The following NELL1 variants were observed in gnomAD, a reference collection of about 807,000 sequenced individuals.
NELL1 encodes neural EGFL like 1, also known as protein kinase C-binding protein NELL1.
A neutral mutation model predicts 107.4 loss-of-function variants in NELL1; 76 were observed. The observed-to-expected ratio is 0.71, with a 90% CI of 0.59 to 0.86. The LOEUF (loss-of-function observed/expected upper bound fraction) is 0.86. Ranked by LOEUF, NELL1 falls within the 40% of genes least tolerant of loss-of-function variation. The probability of loss-of-function intolerance (pLI) is 0.00; values close to 1 mark genes in which losing one functional copy is unlikely to be tolerated. For synonymous variants in NELL1, 353 were observed against 341.2 expected (o/e 1.03, Z -0.38); for missense variants, 1,024 against 1,005.5 (o/e 1.02, Z -0.25).
chr11:20,921,427 C>A (rs1850373901), intron 7 of NELL1, among the ~76,000 whole-genome samples: 1 of 152,108 alleles, frequency 6.6e-6, no homozygotes, highest in African/African-American at 2.4e-5. Flanking sequence ...GGTCTGATAA[C>A]TTTTCCTAAG....
rs112178250 is a variant in NELL1 at position 21,564,972 on chromosome 11, C to T, written c.1980+4590C>T. ...AGGAAAGAATCTGATCCACAAGGAG[C>T]AGTCAGCATACTGGTTCTGCCTTCC... On this transcript the variant is annotated intron_variant, in intron 17 of 19. Transcript: ENST00000357134. Among the ~76,000 whole-genome samples the T allele has an allele frequency of 1.3e-3, 198 of 152,010 alleles. 4 individuals are homozygous for T. The highest frequency in any genetic ancestry group is 4.0e-3 in the African/African-American group (167 of 41,516).
intron 2 of NELL1, among the ~76,000 whole-genome samples, chr11:20,758,072 C>G (rs1205729140): frequency 6.6e-6 from 1 of 152,130 alleles, no homozygotes; most frequent in Non-Finnish European, 1.5e-5. Context: ...GGCACTTATT[C>G]CATCACGACG....
intron 14 of NELL1, among the ~76,000 whole-genome samples, chr11:21,297,910 A>T (rs1849406910): frequency 6.6e-6 from 1 of 151,948 alleles, no homozygotes; most frequent in Admixed American, 6.6e-5. Context: ...GAGGGAGTAG[A>T]GAAAGAGAAA....
chr11:20,695,197 A>G (rs1467374399), intron 2 of NELL1, among the ~76,000 whole-genome samples: 1 of 152,130 alleles, frequency 6.6e-6, no homozygotes, highest in Admixed American at 6.6e-5. Context: ...CTTTTGGCAT[A>G]GTCTTCAGGG....
chr11:20,983,503 C>G (rs1259473923), intron 12 of NELL1, among the ~76,000 whole-genome samples: 1 of 152,184 alleles, frequency 6.6e-6, no homozygotes, highest in Non-Finnish European at 1.5e-5. Context: ...AGTGTTTCCT[C>G]TATCTGTGAG....
chr11:20,708,673 TTGTC>T (rs1187115393), intron 2 of NELL1, among the ~76,000 whole-genome samples: 1 of 152,170 alleles, frequency 6.6e-6, no homozygotes, highest in Non-Finnish European at 1.5e-5. Context: ...ACTCTTTTGG[TTGTC>T]TGTTTACTCT....
chr11:21,151,034 C>G (rs1856103445), intron 13 of NELL1, among the ~76,000 whole-genome samples: 2 of 152,108 alleles, frequency 1.3e-5, no homozygotes, highest in African/African-American at 4.8e-5. Flanking sequence ...ATCATGAAAT[C>G]AGCAAGGGGA....
At chr11:20,792,035 T>A (rs1325661228) in intron 3 of NELL1, among the ~76,000 whole-genome samples, 1 of 152,102 alleles carries the variant, frequency 6.6e-6, no homozygotes, top group Non-Finnish European at 1.5e-5. Context: ...TGAGGACTTT[T>A]GTATCTATAT....
chr11:21,313,433 G>T (rs1432444997), intron 14 of NELL1, among the ~76,000 whole-genome samples: 1 of 152,100 alleles, frequency 6.6e-6, no homozygotes, highest in Non-Finnish European at 1.5e-5. Flanking sequence ...ATCCAATTAG[G>T]CATTCAACAA....
chr11:21,224,616 C>T (rs1857846604), intron 13 of NELL1, among the ~76,000 whole-genome samples: 1 of 151,986 alleles, frequency 6.6e-6, no homozygotes, highest in Non-Finnish European at 1.5e-5. Context: ...TAATGGTGGC[C>T]CATATGTCCT....
At chr11:20,984,336 C>A (rs1364098414) in intron 12 of NELL1, among the ~76,000 whole-genome samples, 1 of 152,164 alleles carries the variant, frequency 6.6e-6, no homozygotes, top group East Asian at 1.9e-4. Flanking sequence ...CCAAACAGAT[C>A]TGAGTCCGTA....
In NELL1 at chr11:21,111,428, G is replaced by A. The variant is rs115951587; in HGVS notation, c.1301-2161G>A. Reference sequence around the variant, plus strand: ...TCTTGCTCATCTTTCAAGATGAAGCGTAATTATATCCTTTCTTGAGATAAC... The same window carrying A: ...TCTTGCTCATCTTTCAAGATGAAGCATAATTATATCCTTTCTTGAGATAAC... On this transcript the variant is annotated intron_variant, in intron 12 of 19. Transcript: ENST00000357134. 8.5e-3 allele frequency among the ~76,000 whole-genome samples: 1,294 copies of A among 152,158 alleles called. 18 individuals are homozygous for A. Among genetic ancestry groups the A allele is most frequent in the African/African-American group, 0.029 (1,196 of 41,528 alleles).
intron 5 of NELL1, among the ~76,000 whole-genome samples, chr11:20,914,508 G>T (rs1260542847): frequency 6.6e-6 from 1 of 152,084 alleles, no homozygotes; most frequent in Non-Finnish European, 1.5e-5. Flanking sequence ...CCTCTAAATA[G>T]CAGGCTTCAG....
intron 2 of NELL1, among the ~76,000 whole-genome samples, chr11:20,762,926 G>GAA (rs1246820457): frequency 6.6e-6 from 1 of 152,096 alleles, no homozygotes; most frequent in African/African-American, 2.4e-5. Flanking sequence ...CGGGGTTGAA[G>GAA]AAAGACACTC....
chr11:21,191,513 G>A (rs981478363), intron 13 of NELL1, among the ~76,000 whole-genome samples: 4 of 151,864 alleles, frequency 2.6e-5, no homozygotes, highest in African/African-American at 9.7e-5. Flanking sequence ...TCCAAAAGTG[G>A]AAGACAATGA....
chr11:21,184,246 A>G (rs1856886351), intron 13 of NELL1, among the ~76,000 whole-genome samples: 1 of 151,568 alleles, frequency 6.6e-6, no homozygotes, highest in African/African-American at 2.4e-5. Flanking sequence ...ATTGGCATGC[A>G]AATTGTTTGT....
intron 15 of NELL1, among the ~76,000 whole-genome samples, chr11:21,491,523 T>C (rs1453842310): frequency 2.0e-5 from 3 of 152,146 alleles, no homozygotes; most frequent in African/African-American, 7.2e-5. Flanking sequence ...AGCGGCGCTA[T>C]TTCTGAGGGC....
intron 15 of NELL1, among the ~76,000 whole-genome samples, chr11:21,469,143 G>A (rs1382104950): frequency 6.6e-6 from 1 of 151,984 alleles, no homozygotes; most frequent in Non-Finnish European, 1.5e-5. Context: ...TTAAAAATAT[G>A]AAAATTTCAG....
chr11:21,385,561 C>A (rs1226299970), intron 15 of NELL1, among the ~76,000 whole-genome samples: 1 of 151,826 alleles, frequency 6.6e-6, no homozygotes, highest in African/African-American at 2.4e-5. Flanking sequence ...ATAAACCACT[C>A]ATATTTGTTT....
Sources: allele counts gnomAD v4.1 joint callset (sites outside exome capture counted in the v4.1 genomes callset), GRCh38; gene constraint gnomAD v4.1.1; transcripts MANE v1.5; gene names NCBI Gene and HGNC (gene_info 2026-07-23, HGNC 2026-07-21).